The following GRID2 variants were observed in gnomAD, a reference collection of about 807,000 sequenced individuals.
GRID2 encodes the protein glutamate receptor ionotropic, delta-2.
GRID2 carries 33 observed loss-of-function variants against 114.8 expected under a neutral mutation model. That is an observed-to-expected ratio of 0.29 (90% CI 0.22 to 0.38). The LOEUF is 0.38. Ranked by LOEUF, GRID2 falls within the 10% of genes least tolerant of loss-of-function variation. The probability of loss-of-function intolerance (pLI) is 1.00; values close to 1 mark genes in which losing one functional copy is unlikely to be tolerated. For synonymous variants in GRID2, 505 were observed against 449.9 expected (o/e 1.12, Z -1.55); for missense variants, 1,184 against 1,257.7 (o/e 0.94, Z 0.89).
In GRID2 at chr4:92,858,392, G is replaced by T. The variant is rs1329588593; in HGVS notation, c.245-226603G>T. The stretch of plus-strand genomic sequence containing the variant: ...TATCAACATGAACAGAAATTTGGAA[G>T]TTGATTTCAACCATCATACATGACT... On this transcript the variant is annotated intron_variant, in intron 2 of 15. Transcript: ENST00000282020. 7.2e-5 allele frequency among the ~76,000 whole-genome samples: 11 copies of T among 152,166 alleles called. No homozygotes were observed. The East Asian group carries it at 2.1e-3, about 29-fold the overall frequency.
chr4:92,832,128 A>T (rs1446026646), intron 2 of GRID2, among the ~76,000 whole-genome samples: 7 of 151,916 alleles, frequency 4.6e-5, no homozygotes, highest in Non-Finnish European at 8.8e-5. Flanking sequence ...ATGAAAATAA[A>T]AAAAAGGAAA....
intron 1 of GRID2, among the ~76,000 whole-genome samples, chr4:92,457,270 A>G (rs990078378): frequency 2.6e-5 from 4 of 152,110 alleles, no homozygotes; most frequent in Admixed American, 2.6e-4. Context: ...TTCTCATCAA[A>G]GAATTCCTGT....
At chr4:93,555,902 G>C (rs993333042) in intron 13 of GRID2, among the ~76,000 whole-genome samples, 2 of 152,198 alleles carry the variant, frequency 1.3e-5, no homozygotes, top group African/African-American at 4.8e-5. Context: ...AAAGCTTCCA[G>C]AGGAAGGAAC....
intron 1 of GRID2, among the ~76,000 whole-genome samples, chr4:92,561,880 A>G (rs1022137633): frequency 1.7e-4 from 26 of 152,292 alleles, no homozygotes; most frequent in African/African-American, 6.3e-4. Flanking sequence ...TGTTACTGCT[A>G]ATGCATGTCA....
rs10024073 is a variant in GRID2, at chr4:92,699,497, A to G, written c.244+109211A>G. ...AAATGAGGTACATTTGAAAAATAGG[A>G]CAGAGTAATGATCATTAAATGGCAG... is the stretch of plus-strand genomic sequence containing the variant. On this transcript the variant is annotated intron_variant, in intron 2 of 15. Transcript: ENST00000282020. Among the ~76,000 whole-genome samples the G allele has an allele frequency of 1.0e-3, 156 of 152,306 alleles. 1 individual carries two copies. The highest frequency in any genetic ancestry group is 3.7e-3 in the African/African-American group (154 of 41,580).
At chr4:93,427,246 T>A (rs1244105520) in intron 10 of GRID2, among the ~76,000 whole-genome samples, 1 of 151,900 alleles carries the variant, frequency 6.6e-6, no homozygotes, top group African/African-American at 2.4e-5. Context: ...TATTCAAACT[T>A]TATGAGGTGT....
chr4:93,720,732 G>C (rs1012452927), intron 14 of GRID2, among the ~76,000 whole-genome samples: 3 of 152,130 alleles, frequency 2.0e-5, no homozygotes, highest in African/African-American at 7.2e-5. Context: ...AAGGGCAAAA[G>C]GAGGAAAGTT....
intron 4 of GRID2, among the ~76,000 whole-genome samples, chr4:93,179,865 T>C (rs1020707013): frequency 3.9e-5 from 6 of 152,182 alleles, no homozygotes; most frequent in African/African-American, 1.4e-4. Flanking sequence ...TGGGTGGTTT[T>C]GGCTAGGTCC....
intron 2 of GRID2, among the ~76,000 whole-genome samples, chr4:93,081,347 T>C (rs1241546553): frequency 2.0e-5 from 3 of 152,228 alleles, no homozygotes; most frequent in Non-Finnish European, 4.4e-5. Context: ...TTAATCTTGT[T>C]TTACTTAGTA....
intron 8 of GRID2, among the ~76,000 whole-genome samples, chr4:93,290,354 A>G (rs1363242392): frequency 6.6e-6 from 1 of 152,158 alleles, no homozygotes; most frequent in African/African-American, 2.4e-5. Context: ...TCTGATTTTT[A>G]ACAGAGATTT....
At chr4:93,028,308 A>G (rs1219826175) in intron 2 of GRID2, among the ~76,000 whole-genome samples, 1 of 152,082 alleles carries the variant, frequency 6.6e-6, no homozygotes, top group Non-Finnish European at 1.5e-5. Context: ...AACTTGAATG[A>G]ATTGATGGTG....
chr4:92,489,333 C>T (rs1055759744), intron 1 of GRID2, among the ~76,000 whole-genome samples: 8 of 152,074 alleles, frequency 5.3e-5, no homozygotes, highest in Non-Finnish European at 8.8e-5. Context: ...AATCAAAATA[C>T]ATCAAAATTA....
At chr4:93,236,991 A>G (rs913943106) in intron 7 of GRID2, among the ~76,000 whole-genome samples, 5 of 152,032 alleles carry the variant, frequency 3.3e-5, no homozygotes, top group Admixed American at 6.6e-5. Context: ...TATTCTGTAC[A>G]TGTATTATAA....
chr4:93,007,466 T>C (rs1387756215), intron 2 of GRID2, among the ~76,000 whole-genome samples: 1 of 152,172 alleles, frequency 6.6e-6, no homozygotes, highest in African/African-American at 2.4e-5. Context: ...GTAAAGCCTT[T>C]TTTAAAAAAT....
intron 2 of GRID2, among the ~76,000 whole-genome samples, chr4:92,756,809 G>T (rs1183312174): frequency 2.0e-5 from 3 of 151,718 alleles, no homozygotes; most frequent in Non-Finnish European, 4.4e-5. Context: ...AATGTTTGGG[G>T]TTTTTTTATG....
Position 92,800,984 on chromosome 4 carries a change from G to A in GRID2, c.244+210698G>A, listed in dbSNP as rs148999771. On this transcript the variant is annotated intron_variant, in intron 2 of 15. Transcript: ENST00000282020. ...CATCCGGAAACATAATGATAAACAC[G>A]GTGATTACATTAAAGGATTGTTGAG... Among the ~76,000 whole-genome samples the A allele has an allele frequency of 1.5e-3, 221 of 151,946 alleles. 1 individual carries two copies. The highest frequency in any genetic ancestry group is 5.0e-3 in the African/African-American group (208 of 41,490).
chr4:92,431,774 C>G (rs1444841021), intron 1 of GRID2, among the ~76,000 whole-genome samples: 1 of 152,134 alleles, frequency 6.6e-6, no homozygotes, highest in African/African-American at 2.4e-5. Context: ...ATGTTTTACT[C>G]TTGATGCTCG....
intron 2 of GRID2, among the ~76,000 whole-genome samples, chr4:92,936,439 C>G (rs1750675396): frequency 6.8e-6 from 1 of 146,206 alleles, no homozygotes; most frequent in South Asian, 2.3e-4. Flanking sequence ...AAATAATTTT[C>G]TGTGGTTTTC....
intron 1 of GRID2, among the ~76,000 whole-genome samples, chr4:92,503,560 C>T (rs1723796859): frequency 1.3e-5 from 2 of 152,036 alleles, no homozygotes; most frequent in African/African-American, 4.8e-5. Context: ...AAATTGTTTC[C>T]ATGATCCTTA....
Sources: allele counts gnomAD v4.1 joint callset (sites outside exome capture counted in the v4.1 genomes callset), GRCh38; gene constraint gnomAD v4.1.1; transcripts MANE v1.5; gene names NCBI Gene and HGNC (gene_info 2026-07-23, HGNC 2026-07-21).